The following LRRC27 variants were observed in gnomAD, a reference collection of about 807,000 sequenced individuals.
LRRC27 encodes leucine rich repeat containing 27, also known as leucine-rich repeat-containing protein 27.
LRRC27 carries 57 observed loss-of-function variants against 55.0 expected under a neutral mutation model. The observed-to-expected ratio is 1.04, with a 90% CI of 0.84 to 1.29. The LOEUF is 1.29. Ranked by LOEUF, LRRC27 falls within the 50% of genes most tolerant of loss-of-function variation. LRRC27 has a pLI of 0.00. For synonymous variants in LRRC27, 278 were observed against 251.9 expected, an observed-to-expected ratio of 1.10 and a Z score of -0.98; for missense variants, 721 against 651.5, an observed-to-expected ratio of 1.11 and a Z score of -1.16.
At chr10:132,334,972 T>G (rs2067042987) in intron 2 of LRRC27, 2 of 152,250 alleles carry the variant, frequency 1.3e-5, no homozygotes, top group African/African-American at 2.4e-5. Flanking sequence ...TTTCTGCCGC[T>G]GTGGCTGCAG....
chr10:132,337,430 T>G, intron 2 of LRRC27, 135 bp from the exon 3 acceptor site: 3 of 1,433,872 alleles, frequency 2.1e-6, no homozygotes, highest in Non-Finnish European at 1.8e-6. Context: ...GGGTAAGAGA[T>G]TGGGTTTTTG....
At chr10:132,331,887 C>A, upstream of LRRC27, 1 of 1,055,292 alleles carries the variant, frequency 9.5e-7, no homozygotes, top group Non-Finnish European at 1.3e-6. Context: ...GCGCACCACC[C>A]CCTGCCACCC....
chr10:132,349,923 TCA>T (rs777471637), intron 6 of LRRC27, among the ~76,000 whole-genome samples: 4 of 152,220 alleles, frequency 2.6e-5, no homozygotes, highest in Non-Finnish European at 1.5e-5. Flanking sequence ...TATCAGGGCC[TCA>T]GTTTCCCCAC....
Position 132,348,540 on chromosome 10 carries a change from T to C in LRRC27, c.926+184T>C, listed in dbSNP as rs2067839109. 1.3e-5 allele frequency among the ~76,000 whole-genome samples: 2 copies of C among 152,212 alleles called. No individual in the cohort carries two copies. Among genetic ancestry groups the C allele is most frequent in the Admixed American group, 1.3e-4 (2 of 15,290 alleles). ...GGACCCGCATCAAGCCCGGAGCATC[T>C]GCGGCAGAGCTCAGTCCATTCAGAG... On this transcript the variant is annotated intron_variant, in intron 6 of 10. Coordinates refer to ENST00000368614, the MANE Select transcript of LRRC27 (RefSeq NM_030626.3). The surrounding 1 kb of genome is among the most constrained non-coding windows in gnomAD (Gnocchi z 4.2).
In LRRC27 at chr10:132,333,677, C is replaced by G. The variant is rs760604444; in HGVS notation, c.153C>G (p.Asp51Glu). 7.4e-6 allele frequency: 12 copies of G among 1,613,842 alleles called. No individual in the cohort carries two copies. The highest frequency in any genetic ancestry group is 1.0e-5 in the Non-Finnish European group (12 of 1,180,048). Residue 51 changes from aspartate (D) to glutamate (E), a missense_variant, in exon 2 of 11, where the codon GAC (aspartate) becomes GAG (glutamate). Physicochemically the swap from Asp to Glu is conservative, Grantham distance 45. Transcript: ENST00000368614. ...TCTTTTCCTCCTCACCGATTTTAGA[C>G]TTGAGTGAAAGTGGTCTGTGCCGTT... ...GIIFSSSPIL[D>E]LSESGLCRLE...
At chr10:132,355,674 C>G in intron 7 of LRRC27, 116 bp from the exon 8 acceptor site, 1 of 748,632 alleles carries the variant, frequency 1.3e-6, no homozygotes, top group Non-Finnish European at 2.3e-6. Flanking sequence ...ATGCACGCCC[C>G]CAGCCTGTGC....
intron 4 of LRRC27, 61 bp from the exon 5 acceptor site, chr10:132,344,437 C>A: frequency 6.7e-7 from 1 of 1,494,418 alleles, no homozygotes; most frequent in Non-Finnish European, 9.1e-7. Context: ...TTATTTATTC[C>A]TCATTTTCAT....
Position 132,375,127 on chromosome 10 carries a change from G to A in LRRC27, c.1478G>A (p.Arg493His), listed in dbSNP as rs781064694. The change falls in exon 11 of 11, where the codon CGT (arginine) becomes CAT (histidine). Residue 493 changes from arginine to histidine, a missense_variant. Coordinates refer to ENST00000368614, the MANE Select transcript of LRRC27 (RefSeq NM_030626.3). Reference protein sequence around the residue: ...LKLGLTLNKDRRRAALTGNLS... With the variant: ...LKLGLTLNKDHRRAALTGNLS... ...TTGGGATTAACCTTGAACAAAGATCGTCGACGGGCGGCCCTCACTGGAAAC... is the reference window on the plus strand; with the variant it reads ...TTGGGATTAACCTTGAACAAAGATCATCGACGGGCGGCCCTCACTGGAAAC... 7 of 1,613,932 alleles carry A rather than the reference G, an allele frequency of 4.3e-6. No individual in the cohort carries two copies. The East Asian group carries it at 1.1e-4, about 26-fold the overall frequency.
At position 132,336,873 on chromosome 10, in the gene LRRC27, T is replaced by G. The variant is rs527629541; in HGVS notation, c.211-692T>G. Reference sequence around the variant, plus strand: ...AGCATTAATGACAGTATTGTAAAAATTAGCTATGATCCTTCCACACTGTGA... The same window carrying G: ...AGCATTAATGACAGTATTGTAAAAAGTAGCTATGATCCTTCCACACTGTGA... On this transcript the variant is annotated intron_variant, in intron 2 of 10. Transcript: ENST00000368614. The G allele has an allele frequency of 1.5e-4, 108 of 725,756 alleles. 2 individuals carry two copies. The East Asian group carries it at 2.4e-3, about 16-fold the overall frequency. The allele number at this position is 725,756 out of a possible 1,614,324, so 45.0% of individuals were successfully genotyped here. A position where few individuals can be genotyped will look rare whatever the true frequency, so the allele number is the denominator to read the frequency against.
At chr10:132,352,949 G>C (rs751445825) in intron 7 of LRRC27, 2 of 1,613,728 alleles carry the variant, frequency 1.2e-6, no homozygotes, top group African/African-American at 1.3e-5. Context: ...GTTCATTCTT[G>C]TGTTGCTGTG....
chr10:132,338,142 C>G (rs936022345), intron 3 of LRRC27, among the ~76,000 whole-genome samples: 2 of 152,124 alleles, frequency 1.3e-5, no homozygotes, highest in African/African-American at 4.8e-5. Flanking sequence ...ATGGCAAAAC[C>G]CTATCTCTAA....
At chr10:132,355,232 C>T (rs992129837) in intron 7 of LRRC27, among the ~76,000 whole-genome samples, 1 of 152,188 alleles carries the variant, frequency 6.6e-6, no homozygotes, top group Non-Finnish European at 1.5e-5. Flanking sequence ...CCCACCACTA[C>T]ACCCGGCTAA....
intron 9 of LRRC27, among the ~76,000 whole-genome samples, chr10:132,364,470 C>A (rs374996874): frequency 1.6e-3 from 189 of 117,810 alleles, no homozygotes; most frequent in Middle Eastern, 9.6e-3. Context: ...CCCACCCACA[C>A]TTACACCCAC....
chr10:132,345,869 T>C (rs2067660329), intron 5 of LRRC27, among the ~76,000 whole-genome samples: 1 of 152,088 alleles, frequency 6.6e-6, no homozygotes, highest in Non-Finnish European at 1.5e-5. Flanking sequence ...TGAAGGAGAC[T>C]AAAGGAATAG....
intron 10 of LRRC27, among the ~76,000 whole-genome samples, chr10:132,367,645 C>G (rs1240861495): frequency 1.3e-5 from 2 of 152,200 alleles, no homozygotes; most frequent in Non-Finnish European, 2.9e-5. Context: ...GAAAAAGCAT[C>G]TGACAAAATA....
intron 8 of LRRC27, among the ~76,000 whole-genome samples, chr10:132,359,547 G>A (rs1052839155): frequency 2.0e-5 from 3 of 152,236 alleles, no homozygotes; most frequent in African/African-American, 7.2e-5. Flanking sequence ...GCTGGGCTGG[G>A]CGGGCCTGGG....
intron 9 of LRRC27, among the ~76,000 whole-genome samples, chr10:132,365,037 T>C (rs1161313882): frequency 6.6e-6 from 1 of 152,268 alleles, no homozygotes; most frequent in Non-Finnish European, 1.5e-5. Flanking sequence ...TTTGTCTGTT[T>C]AAGGATTTAG....
upstream of LRRC27, among the ~76,000 whole-genome samples, chr10:132,331,164 G>A (rs1042468369): frequency 6.2e-5 from 8 of 128,074 alleles, no homozygotes; most frequent in Admixed American, 4.9e-4. Context: ...TCGCGCTACT[G>A]CACTCCAGCC....
In LRRC27 at chr10:132,348,774, G is replaced by A. The variant is rs903031108; in HGVS notation, c.926+418G>A. Among the ~76,000 whole-genome samples the A allele has an allele frequency of 6.6e-6, 1 of 152,214 alleles. No homozygotes were observed. The highest frequency in any genetic ancestry group is 2.4e-5 in the African/African-American group (1 of 41,450). The stretch of plus-strand genomic sequence containing the variant: ...ACATTCTTGTGAGGCTTCGATCAGT[G>A]CTCACTGAATCCACATTTTACCTGT... On this transcript the variant is annotated intron_variant, in intron 6 of 10. Transcript: ENST00000368614. The surrounding 1 kb of genome is among the most constrained non-coding windows in gnomAD (Gnocchi z 4.2).
Sources: gnomAD v4.1 joint callset for allele counts (sites outside exome capture counted in the v4.1 genomes callset) on GRCh38, gnomAD v4.1.1 for gene constraint, Gnocchi (gnomAD v3.1) non-coding constraint, MANE v1.5 for transcripts, NCBI Gene and HGNC (gene_info 2026-07-23, HGNC 2026-07-21) for gene names.